The following ATP2C2 variants were observed in gnomAD, a reference collection of about 807,000 sequenced individuals.
The protein encoded by ATP2C2 is ATPase secretory pathway Ca2+ transporting 2, also known as calcium-transporting ATPase type 2C member 2.
Under a neutral mutation model 110.8 loss-of-function variants are expected in ATP2C2, and 171 were observed. That is an observed-to-expected ratio of 1.54 (90% CI 1.36 to 1.75). The LOEUF (loss-of-function observed/expected upper bound fraction) is 1.75. ATP2C2 is among the 40% of genes most tolerant of loss of function. The pLI, the probability that ATP2C2 is intolerant of heterozygous loss-of-function variation, is 0.00. For synonymous variants in ATP2C2, 804 were observed against 508.4 expected (o/e 1.58, Z -7.82); for missense variants, 1,963 against 1,235.0 (o/e 1.59, Z -8.84).
At chr16:84,449,538 G>C (rs574942539) in intron 17 of ATP2C2, among the ~76,000 whole-genome samples, 2 of 152,186 alleles carry the variant, frequency 1.3e-5, no homozygotes, top group East Asian at 1.9e-4. Context: ...ATTGCTGTGA[G>C]GATTGGAAGA....
chr16:84,454,807 T>C lies in ATP2C2; in HGVS notation c.1981-11T>C. On this transcript the variant is annotated splice_polypyrimidine_tract_variant and intron_variant, in intron 20 of 26. Coordinates refer to ENST00000262429, the MANE Select transcript of ATP2C2 (RefSeq NM_014861.4). ...CAGGCTGCAGGCCTTCATTGCCTGC[T>C]CTTTCCAAAGGCTCTGCAGGAGTCA... 6.3e-7 allele frequency: 1 copy of C among 1,575,912 alleles called. No individual in the cohort carries two copies. The highest frequency in any genetic ancestry group is 8.6e-7 in the Non-Finnish European group (1 of 1,162,600).
intron 1 of ATP2C2, among the ~76,000 whole-genome samples, chr16:84,378,183 C>G (rs1275905403): frequency 6.6e-6 from 1 of 152,168 alleles, no homozygotes; most frequent in Non-Finnish European, 1.5e-5. Flanking sequence ...TTATTTCACC[C>G]CCATGCACTT....
intron 1 of ATP2C2, among the ~76,000 whole-genome samples, chr16:84,385,666 G>C (rs1180790430): frequency 6.6e-6 from 1 of 152,192 alleles, no homozygotes; most frequent in East Asian, 1.9e-4. Flanking sequence ...GTCTGGGGAG[G>C]CCTCAGGAAA....
intron 1 of ATP2C2, among the ~76,000 whole-genome samples, chr16:84,387,139 C>T (rs1904358758): frequency 6.6e-6 from 1 of 152,180 alleles, no homozygotes; most frequent in East Asian, 1.9e-4. Context: ...TGCGATAACC[C>T]CAGACTGAGT....
At position 84,444,215 on chromosome 16, in the gene ATP2C2, G is replaced by A. The variant is rs1352484449; in HGVS notation, c.1401+1616G>A. Among the ~76,000 whole-genome samples the A allele has an allele frequency of 8.7e-5, 13 of 149,648 alleles. 1 individual carries two copies. Among genetic ancestry groups the A allele is most frequent in the African/African-American group, 2.5e-5 (1 of 40,448 alleles). The stretch of plus-strand genomic sequence containing the variant: ...AGATTGGGCACAGTGGCTCACACCT[G>A]TAATCGCAACACTTTGGGAGACCGA... On this transcript the variant is annotated intron_variant, in intron 15 of 26. Transcript: ENST00000262429.
At chr16:84,439,027 G>A in intron 11 of ATP2C2, 139 bp from the exon 12 acceptor site, 2 of 1,309,236 alleles carry the variant, frequency 1.5e-6, no homozygotes, top group East Asian at 2.4e-5. Context: ...TGCACCTTAG[G>A]ATTGGGAATG....
chr16:84,372,891 C>T (rs769012985), intron 1 of ATP2C2, among the ~76,000 whole-genome samples: 1 of 151,694 alleles, frequency 6.6e-6, no homozygotes, highest in Non-Finnish European at 1.5e-5. Context: ...GAGGCTGAGG[C>T]GTGCAGATCA....
chr16:84,430,225 G>C lies in ATP2C2; in HGVS notation c.986+4424G>C, dbSNP rs140186093. Among the ~76,000 whole-genome samples, 27 of 152,312 alleles carry C rather than the reference G, an allele frequency of 1.8e-4. No individual in the cohort carries two copies. In the East Asian group the frequency reaches 3.5e-3, roughly 20 times the overall value. On this transcript the variant is annotated intron_variant, in intron 11 of 26. Transcript: ENST00000262429. ...GCAGGCACTGGGCTGCCGGGAGAAG[G>C]GGGTGGATGGACAACAAGCTCGTTG...
intron 15 of ATP2C2, 119 bp downstream of exon 15, chr16:84,442,718 A>G: frequency 3.0e-6 from 3 of 995,928 alleles, no homozygotes; most frequent in Non-Finnish European, 4.7e-6. Flanking sequence ...TCATGGAAGA[A>G]AATGGCCCAC....
At chr16:84,423,422 A>G (rs565191783) in intron 10 of ATP2C2, among the ~76,000 whole-genome samples, 159 bp downstream of exon 10, 34 of 152,338 alleles carry the variant, frequency 2.2e-4, no homozygotes, top group African/African-American at 7.7e-4. Flanking sequence ...AGCTTTCTGT[A>G]TAGTTGGACC....
At chr16:84,462,537 G>A (rs186678584) in intron 26 of ATP2C2, 6 of 168,304 alleles carry the variant, frequency 3.6e-5, no homozygotes, top group Admixed American at 3.5e-4. Context: ...CCTGAAGGCA[G>A]GGAGCTGGGC....
intron 1 of ATP2C2, among the ~76,000 whole-genome samples, chr16:84,378,891 A>G (rs11149649): frequency 0.85 from 129,009 of 152,096 alleles, 54,830 homozygotes; most frequent in Middle Eastern, 0.93. Flanking sequence ...AGACACCAGC[A>G]AGCTCTTGCT....
chr16:84,455,162 C>G (rs1043596762), intron 21 of ATP2C2, among the ~76,000 whole-genome samples, 178 bp downstream of exon 21: 10 of 152,016 alleles, frequency 6.6e-5, no homozygotes, highest in African/African-American at 2.2e-4. Flanking sequence ...AACAGCCTCT[C>G]ATAGCAGGGT....
intron 26 of ATP2C2, 86 bp from the exon 27 acceptor site, chr16:84,463,528 C>A: frequency 8.9e-7 from 1 of 1,123,368 alleles, no homozygotes; most frequent in Non-Finnish European, 1.4e-6. Context: ...CTCACTTTAT[C>A]AGGAGGACTG....
intron 11 of ATP2C2, among the ~76,000 whole-genome samples, chr16:84,431,014 T>TTC (rs1908230434): frequency 6.6e-6 from 1 of 152,068 alleles, no homozygotes; most frequent in African/African-American, 2.4e-5. Context: ...CATGAATATG[T>TTC]ATTGGGCATC....
At chr16:84,392,029 C>T (rs1904696183) in intron 1 of ATP2C2, among the ~76,000 whole-genome samples, 1 of 151,724 alleles carries the variant, frequency 6.6e-6, no homozygotes, top group African/African-American at 2.4e-5. Flanking sequence ...TCATATAACA[C>T]CTCTTTTCTC....
chr16:84,463,985 C>A lies in ATP2C2; in HGVS notation c.*253C>A. On this transcript the variant is annotated 3_prime_UTR_variant, in exon 27 of 27. Transcript: ENST00000262429. ...AGAAACACCACACTGTTTATTAAAT[C>A]ACAATGATTTTTATTAACCATGTCT... 1 of 404,042 alleles carries A rather than the reference C, an allele frequency of 2.5e-6. No homozygotes were observed. The highest frequency in any genetic ancestry group is 4.0e-5 in the Admixed American group (1 of 25,030). The allele number at this position is 404,042 out of a possible 1,614,324, so 25.0% of individuals were successfully genotyped here.
At position 84,462,092 on chromosome 16, in the gene ATP2C2, G is replaced by A. The variant is rs776571376; in HGVS notation, c.2685G>A (p.Leu895=). ...TGGCGGTCATTTACATCCCCCCGCT[G>A]CAGAGGGTCTTCCAGACGGAGAACC... is the stretch of plus-strand genomic sequence containing the variant. ...GQLAVIYIPP[L]QRVFQTENLG... is the part of the protein sequence containing the mutation. The change falls in exon 26 of 27, where the codon CTG becomes CTA. Residue 895 remains leucine, a synonymous_variant. Transcript: ENST00000262429. The A allele has an allele frequency of 2.5e-6, 4 of 1,614,024 alleles. No individual in the cohort carries two copies. In the East Asian group the frequency reaches 8.9e-5, roughly 36 times the overall value.
chr16:84,401,804 G>A (rs1042737410), intron 2 of ATP2C2, among the ~76,000 whole-genome samples: 8 of 152,012 alleles, frequency 5.3e-5, no homozygotes, highest in African/African-American at 1.7e-4. Context: ...GATAGCTTTG[G>A]CTATTCTGGG....
Sources: allele counts gnomAD v4.1 joint callset (sites outside exome capture counted in the v4.1 genomes callset), GRCh38; gene constraint gnomAD v4.1.1; transcripts MANE v1.5; gene names NCBI Gene and HGNC (gene_info 2026-07-23, HGNC 2026-07-21).